Variants in ADGRL1 observed in about 807,000 individuals in gnomAD.
The protein encoded by ADGRL1 is CIRL-1.
ADGRL1 carries 31 observed loss-of-function variants against 148.9 expected under a neutral mutation model. The observed-to-expected ratio is 0.21, with a 90% CI of 0.16 to 0.28. ADGRL1 has a LOEUF of 0.28. Among genes scored for constraint, ADGRL1 ranks in the 10% least tolerant of loss-of-function variants. The pLI is 1.00. For missense variants in ADGRL1, 1,521 were observed against 2,058.8 expected, an observed-to-expected ratio of 0.74 and a Z score of 5.05; for synonymous variants, 937 against 900.3, an observed-to-expected ratio of 1.04 and a Z score of -0.73.
Position 14,155,982 on chromosome 19 carries a change from G to T in ADGRL1, c.3125+128C>A, listed in dbSNP as rs1968692717. Reference sequence around the variant, plus strand: ...TGAACACAATAGAACACCCCTGTTGGTACTTAAAATTGCAATGTGTGTCAC... The same window carrying T: ...TGAACACAATAGAACACCCCTGTTGTTACTTAAAATTGCAATGTGTGTCAC... On this transcript the variant is annotated intron_variant, in intron 17 of 22. Coordinates refer to ENST00000361434, the MANE Select transcript of ADGRL1 (RefSeq NM_014921.5). This position sits in a 1 kb window ranked among gnomAD's most constrained non-coding sequence, Gnocchi z 5.0. 7.3e-6 allele frequency: 5 copies of T among 685,398 alleles called. No individual in the cohort carries two copies. Among genetic ancestry groups the T allele is most frequent in the Non-Finnish European group, 1.3e-5 (5 of 385,494 alleles). The allele number at this position is 685,398 out of a possible 1,614,324, so 42.5% of individuals were successfully genotyped here.
At chr19:14,192,984 G>A (rs1972036409) in intron 1 of ADGRL1, among the ~76,000 whole-genome samples, 1 of 152,152 alleles carries the variant, frequency 6.6e-6, no homozygotes, top group Admixed American at 6.5e-5. Context: ...ACAGGGGAGT[G>A]ACTAAGGACG....
At chr19:14,178,172 G>C (rs1212711317) in intron 2 of ADGRL1, among the ~76,000 whole-genome samples, 1 of 152,116 alleles carries the variant, frequency 6.6e-6, no homozygotes, top group East Asian at 1.9e-4. Flanking sequence ...AGGCTATTAG[G>C]GTAGGCCCCA....
intron 1 of ADGRL1, among the ~76,000 whole-genome samples, chr19:14,188,925 C>G (rs867133729): frequency 5.3e-5 from 8 of 152,078 alleles, no homozygotes; most frequent in South Asian, 2.1e-4. Context: ...AGGCGCCCAC[C>G]ACCACGAGCA....
intron 1 of ADGRL1, among the ~76,000 whole-genome samples, chr19:14,198,072 A>C (rs1972375545): frequency 2.0e-5 from 3 of 152,138 alleles, no homozygotes; most frequent in South Asian, 4.1e-4. Flanking sequence ...TTCTGGGCAG[A>C]GGAAACAGCA....
chr19:14,169,418 C>T (rs1257386375), intron 4 of ADGRL1: 1 of 152,312 alleles, frequency 6.6e-6, no homozygotes, highest in Non-Finnish European at 1.5e-5. Context: ...CTCGCTGCCT[C>T]CCACCCCCCT....
chr19:14,184,606 TTTTATTTATTTATTTA>T (rs74181775), intron 1 of ADGRL1, among the ~76,000 whole-genome samples: 33 of 103,996 alleles, frequency 3.2e-4, no homozygotes, highest in African/African-American at 1.3e-3. Flanking sequence ...CTAATTTTTA[TTTTATTTATTTATTTA>T]TTTATTTATT....
In ADGRL1 at chr19:14,152,830, T is replaced by C; in HGVS notation, c.3377A>G (p.Lys1126Arg). 1 of 1,614,152 alleles carries C rather than the reference T, an allele frequency of 6.2e-7. No homozygotes were observed. The highest frequency in any genetic ancestry group is 8.5e-7 in the Non-Finnish European group (1 of 1,180,010). Residue 1126 changes from lysine (K) to arginine (R), a missense_variant, in exon 19 of 23, where the codon AAG becomes AGG. This residue lies in a region of ADGRL1 where 185 missense variants were observed against 251.7 expected (regional missense o/e 0.74). Transcript: ENST00000361434. This position sits in a 1 kb window ranked among gnomAD's most constrained non-coding sequence, Gnocchi z 6.1. The stretch of plus-strand genomic sequence containing the variant: ...GGTGTTGCTTCGCATGGCTGAGGTC[T>C]TGAGGGATCCGTGAGTGCCCCCGGG... ...SPPGGTHGSL[K>R]TSAMRSNTRY...
At chr19:14,163,497 A>T (rs577704613) in intron 4 of ADGRL1, 91 bp from the exon 5 acceptor site, 4 of 720,704 alleles carry the variant, frequency 5.6e-6, no homozygotes, top group Non-Finnish European at 8.1e-6. Context: ...AGAGAGAGAG[A>T]GGGGGGAGAG....
rs770779827 is a variant in ADGRL1 at position 14,160,270 on chromosome 19, T to A, written c.1642A>T (p.Ile548Phe). The change falls in exon 8 of 23, where the codon ATC becomes TTC. Residue 548 changes from isoleucine to phenylalanine, a missense_variant. Transcript: ENST00000361434. The surrounding 1 kb of genome is among the most constrained non-coding windows in gnomAD (Gnocchi z 5.9). ...KIKSGENAANIASELARHTRG... is the reference protein window; with the variant it reads ...KIKSGENAANFASELARHTRG... ...GTGTGTCGGGCCAGCTCGCTGGCGA[T>A]GTTGGCCGCGTTCTCCCCACTCTTG... 1 of 1,592,566 alleles carries A rather than the reference T, an allele frequency of 6.3e-7. No homozygotes were observed. The highest frequency in any genetic ancestry group is 2.3e-5 in the East Asian group (1 of 44,174).
chr19:14,158,942 A>T (rs1232334829), intron 11 of ADGRL1, 148 bp downstream of exon 11: 1 of 963,958 alleles, frequency 1.0e-6, no homozygotes, highest in Non-Finnish European at 1.5e-6. Flanking sequence ...GCAGCACTTC[A>T]GGGCCCATGA....
chr19:14,193,685 T>C (rs563066347), intron 1 of ADGRL1, among the ~76,000 whole-genome samples: 1 of 152,322 alleles, frequency 6.6e-6, no homozygotes, highest in East Asian at 1.9e-4. Context: ...CAAGTTAAAA[T>C]GAGGTCATTA....
In ADGRL1 at chr19:14,149,479, G is replaced by T. The variant is rs1967934832; in HGVS notation, c.*1394C>A. 1 of 153,112 alleles carries T rather than the reference G, an allele frequency of 6.5e-6. No individual in the cohort carries two copies. Among genetic ancestry groups the T allele is most frequent in the South Asian group, 2.1e-4 (1 of 4,842 alleles). The allele number at this position is 153,112 out of a possible 1,614,324, so 9.5% of individuals were successfully genotyped here. On this transcript the variant is annotated 3_prime_UTR_variant, in exon 23 of 23. Coordinates refer to ENST00000361434, the MANE Select transcript of ADGRL1 (RefSeq NM_014921.5). ...TGGGAAATCAGCCCCATCTTCCCCG[G>T]CGAGAGTCCCCAGAGCAATATACAA... is the stretch of plus-strand genomic sequence containing the variant.
chr19:14,155,124 C>T lies in ADGRL1; in HGVS notation c.3294+235G>A. The T allele has an allele frequency of 2.6e-6, 1 of 379,022 alleles. No homozygotes were observed. Among genetic ancestry groups the T allele is most frequent in the Non-Finnish European group, 4.9e-6 (1 of 203,592 alleles). The allele number at this position is 379,022 out of a possible 1,614,324, so 23.5% of individuals were successfully genotyped here. On this transcript the variant is annotated intron_variant, in intron 18 of 22. Transcript: ENST00000361434. This position sits in a 1 kb window ranked among gnomAD's most constrained non-coding sequence, Gnocchi z 5.0. ...TACCAAATCTGTTCTGCTCTCACTC[C>T]TCTAAGTTGCTGTATCTTGTTTTCC... is the stretch of plus-strand genomic sequence containing the variant.
intron 2 of ADGRL1, among the ~76,000 whole-genome samples, chr19:14,178,836 G>T (rs1970996358): frequency 1.3e-5 from 2 of 152,158 alleles, no homozygotes; most frequent in Non-Finnish European, 2.9e-5. Context: ...GGGCACAGAA[G>T]TGTACAGGGG....
Position 14,152,491 on chromosome 19 carries a change from C to A in ADGRL1, c.3520+26G>T. On this transcript the variant is annotated intron_variant, in intron 20 of 22. Coordinates refer to ENST00000361434, the MANE Select transcript of ADGRL1 (RefSeq NM_014921.5). The surrounding 1 kb of genome is among the most constrained non-coding windows in gnomAD (Gnocchi z 6.1). ...AGCCGGGAGCCTCCAGAGACTGAAGCCAGAGGCAGAAGGATGCCTTCTCAC... is the reference window on the plus strand; with the variant it reads ...AGCCGGGAGCCTCCAGAGACTGAAGACAGAGGCAGAAGGATGCCTTCTCAC... The A allele has an allele frequency of 6.2e-7, 1 of 1,612,464 alleles. No homozygotes were observed. Among genetic ancestry groups the A allele is most frequent in the South Asian group, 1.1e-5 (1 of 91,036 alleles).
At position 14,150,520 on chromosome 19, in the gene ADGRL1, C is replaced by T. The variant is rs1269168070; in HGVS notation, c.*353G>A. ...CCCTCCCTGCCCAGGAAACTAAAGC[C>T]CTCATTTCCCTTCACAGGGTAGAAG... On this transcript the variant is annotated 3_prime_UTR_variant, in exon 23 of 23. Coordinates refer to ENST00000361434, the MANE Select transcript of ADGRL1 (RefSeq NM_014921.5). 4.1e-6 allele frequency: 1 copy of T among 246,910 alleles called. No homozygotes were observed. The highest frequency in any genetic ancestry group is 5.0e-5 in the Admixed American group (1 of 20,080). The allele number at this position is 246,910 out of a possible 1,614,324, so 15.3% of individuals were successfully genotyped here.
chr19:14,167,728 C>G (rs1315781753), intron 4 of ADGRL1, among the ~76,000 whole-genome samples: 1 of 149,720 alleles, frequency 6.7e-6, no homozygotes, highest in Non-Finnish European at 1.5e-5. Context: ...ACCCGGGCCC[C>G]AGAGAGAGCC....
rs768963913 is a variant in ADGRL1 at position 14,152,460 on chromosome 19, C to A, written c.3521-23G>T. On this transcript the variant is annotated intron_variant, in intron 20 of 22. Coordinates refer to ENST00000361434, the MANE Select transcript of ADGRL1 (RefSeq NM_014921.5). The surrounding 1 kb of genome is among the most constrained non-coding windows in gnomAD (Gnocchi z 6.1). ...TACCTGGCCAAAGGATCAGAGGTCACAAGGCAGCCGGGAGCCTCCAGAGAC... is the reference window on the plus strand; with the variant it reads ...TACCTGGCCAAAGGATCAGAGGTCAAAAGGCAGCCGGGAGCCTCCAGAGAC... 6.2e-6 allele frequency: 10 copies of A among 1,607,580 alleles called. No individual in the cohort carries two copies. Among genetic ancestry groups the A allele is most frequent in the Non-Finnish European group, 8.5e-6 (10 of 1,175,158 alleles).
chr19:14,169,000 A>G (rs1363931657), intron 4 of ADGRL1: 1 of 152,198 alleles, frequency 6.6e-6, no homozygotes, highest in African/African-American at 2.4e-5. Flanking sequence ...GGGTGCACAC[A>G]AGCTTGACAT....
Sources: gnomAD v4.1 joint callset for allele counts (sites outside exome capture counted in the v4.1 genomes callset) on GRCh38, gnomAD v4.1.1 for gene constraint, gnomAD v4.1.1 regional missense constraint, Gnocchi (gnomAD v3.1) non-coding constraint, MANE v1.5 for transcripts, NCBI Gene and HGNC (gene_info 2026-07-23, HGNC 2026-07-21) for gene names.